SAP130: variants seen among roughly 807,000 people sequenced by gnomAD.
The protein encoded by SAP130 is Sin3A associated protein 130, also known as histone deacetylase complex subunit SAP130.
In SAP130, 16 loss-of-function variants were observed where a neutral mutation model predicts 103.2. The ratio of observed to expected loss-of-function variants is 0.16; its 90% CI spans 0.10 to 0.24. SAP130 has a LOEUF of 0.24. Among genes scored for constraint, SAP130 ranks in the 10% least tolerant of loss-of-function variants. SAP130 has a pLI of 1.00. For missense variants in SAP130, 990 were observed against 1,359.7 expected, an observed-to-expected ratio of 0.73 and a Z score of 4.28; for synonymous variants, 477 against 497.0, an observed-to-expected ratio of 0.96 and a Z score of 0.53.
intron 10 of SAP130, 110 bp downstream of exon 10, chr2:127,999,630 AG>A: frequency 5.7e-6 from 3 of 529,602 alleles, no homozygotes; most frequent in South Asian, 6.2e-5. Context: ...AAAAAAAAAA[AG>A]AGGAAATCAA....
intron 2 of SAP130, among the ~76,000 whole-genome samples, chr2:128,020,326 A>G (rs951981215): frequency 1.2e-4 from 18 of 152,308 alleles, no homozygotes; most frequent in Admixed American, 9.2e-4. Flanking sequence ...TCTAGCCACT[A>G]TCCTCCGAAG....
chr2:128,015,708 G>T (rs554949945), intron 4 of SAP130, among the ~76,000 whole-genome samples: 12 of 152,168 alleles, frequency 7.9e-5, no homozygotes, highest in African/African-American at 2.9e-4. Context: ...TTGGGAGGCC[G>T]AGGCGGGCAG....
chr2:127,979,844 G>A (rs1681735692), intron 14 of SAP130, among the ~76,000 whole-genome samples: 3 of 151,750 alleles, frequency 2.0e-5, no homozygotes. Flanking sequence ...CTAAAGTTGG[G>A]TGACAGGCAT....
intron 18 of SAP130, among the ~76,000 whole-genome samples, chr2:127,949,352 A>C (rs898301688): frequency 1.6e-4 from 24 of 152,238 alleles, no homozygotes; most frequent in African/African-American, 5.5e-4. Context: ...TGGGTTTATT[A>C]AAATGTTATT....
chr2:127,968,113 T>A (rs1454385939), intron 15 of SAP130, among the ~76,000 whole-genome samples: 2 of 151,880 alleles, frequency 1.3e-5, no homozygotes, highest in East Asian at 3.9e-4. Context: ...TAAAGCATTT[T>A]TTTTTTTTTT....
Position 128,017,769 on chromosome 2 carries a change from C to G in SAP130, c.259G>C (p.Val87Leu). ...ACTGCAACAGGTGTGGCTGATGCGA[C>G]AGCATGGTGTGTCGACAACATCTGC... Reference protein sequence around the residue: ...QVQMLSTHHAVASATPVAVTA... With the variant: ...QVQMLSTHHALASATPVAVTA... Residue 87 changes from valine (V) to leucine (L), a missense_variant, in exon 3 of 21, where the codon GTC becomes CTC. Physicochemically the swap from Val to Leu is conservative, Grantham distance 32. Transcript: ENST00000643581. 1 of 1,614,208 alleles carries G rather than the reference C, an allele frequency of 6.2e-7. No individual in the cohort carries two copies. Among genetic ancestry groups the G allele is most frequent in the Non-Finnish European group, 8.5e-7 (1 of 1,180,036 alleles).
chr2:128,000,058 G>A lies in SAP130; in HGVS notation c.1106C>T (p.Ala369Val). The A allele has an allele frequency of 6.2e-7, 1 of 1,613,896 alleles. No individual in the cohort carries two copies. ...GAAGAGGAGGGTCGTGGACTTACCAGCTGTGGTCGCTGAAGGAATGGTGTT... is the reference window on the plus strand; with the variant it reads ...GAAGAGGAGGGTCGTGGACTTACCAACTGTGGTCGCTGAAGGAATGGTGTT... ...ATNTIPSATTAGSVSHTQAPT... is the reference protein window; with the variant it reads ...ATNTIPSATTVGSVSHTQAPT... Residue 369 changes from alanine to valine, a missense_variant and splice_region_variant, in exon 9 of 21, where the codon GCT (alanine) becomes GTT (valine). Ala to Val is a moderately conservative substitution (Grantham distance 64). This residue lies in a region of SAP130 where 336 missense variants were observed against 520.1 expected (regional missense o/e 0.65). Coordinates refer to ENST00000643581, the MANE Select transcript of SAP130 (RefSeq NM_001330301.2).
intron 16 of SAP130, 46 bp downstream of exon 16, chr2:127,954,940 G>C (rs1303854104): frequency 5.0e-6 from 7 of 1,392,568 alleles, no homozygotes; most frequent in Non-Finnish European, 7.0e-6. Flanking sequence ...ATTAGGGAAG[G>C]GGAAGAGGCA....
intron 18 of SAP130, among the ~76,000 whole-genome samples, chr2:127,947,784 G>GTGTGTGTGTGTGTA (rs1679209247): frequency 2.0e-5 from 3 of 151,942 alleles, no homozygotes; most frequent in Non-Finnish European, 2.9e-5. Flanking sequence ...GTGTGTGTGT[G>GTGTGTGTGTGTGTA]TGTGTGTGTG....
chr2:127,957,421 T>C (rs867687559), intron 15 of SAP130, among the ~76,000 whole-genome samples: 3 of 152,206 alleles, frequency 2.0e-5, no homozygotes, highest in Non-Finnish European at 1.5e-5. Flanking sequence ...ACGCCTATAA[T>C]CCCAGTGCTT....
chr2:128,012,892 C>A lies in SAP130; in HGVS notation c.744+138G>T, dbSNP rs921307358. 3 of 763,348 alleles carry A rather than the reference C, an allele frequency of 3.9e-6. No individual in the cohort carries two copies. In the African/African-American group the frequency reaches 5.4e-5, roughly 14 times the overall value. The allele number at this position is 763,348 out of a possible 1,614,324, so 47.3% of individuals were successfully genotyped here. A position where few individuals can be genotyped will look rare whatever the true frequency, so the allele number is the denominator to read the frequency against. On this transcript the variant is annotated intron_variant, in intron 6 of 20. Transcript: ENST00000643581. ...TCCTCTGCATTCTTACAGCTTGCCA[C>A]ATGACACTGTGCATCTTTCAAACTT...
At chr2:128,001,527 T>C (rs561561333) in intron 7 of SAP130, among the ~76,000 whole-genome samples, 4 of 152,378 alleles carry the variant, frequency 2.6e-5, no homozygotes, top group Non-Finnish European at 5.9e-5. Flanking sequence ...GGTTAATTTG[T>C]GTCAGATGGA....
At chr2:128,009,148 C>T in intron 7 of SAP130, among the ~76,000 whole-genome samples, 1 of 152,092 alleles carries the variant, frequency 6.6e-6, no homozygotes, top group African/African-American at 2.4e-5. Flanking sequence ...CCCAGTGATT[C>T]CTCAGAAATC....
In SAP130 at chr2:127,957,394, G is replaced by T. The variant is rs184710388; in HGVS notation, c.2064-2050C>A. On this transcript the variant is annotated intron_variant, in intron 15 of 20. Coordinates refer to ENST00000643581, the MANE Select transcript of SAP130 (RefSeq NM_001330301.2). ...TTTGAATAGGCATAAGAAAGAACTGGCTAGGCGTGGTGACTCACGCCTATA... is the reference window on the plus strand; with the variant it reads ...TTTGAATAGGCATAAGAAAGAACTGTCTAGGCGTGGTGACTCACGCCTATA... Among the ~76,000 whole-genome samples, 89 of 152,332 alleles carry T rather than the reference G, an allele frequency of 5.8e-4. 1 individual carries two copies. The highest frequency in any genetic ancestry group is 5.0e-3 in the Admixed American group (77 of 15,300).
intron 11 of SAP130, among the ~76,000 whole-genome samples, chr2:127,995,263 G>A (rs560799115): frequency 1.3e-5 from 2 of 152,346 alleles, no homozygotes; most frequent in East Asian, 3.9e-4. Context: ...GGGCTCCTTG[G>A]AGAAACAGCA....
chr2:127,986,991 AT>A lies in SAP130; in HGVS notation c.1781-30del. 9 of 1,590,482 alleles carry A rather than the reference AT, an allele frequency of 5.7e-6. No homozygotes were observed. The highest frequency in any genetic ancestry group is 7.7e-6 in the Non-Finnish European group (9 of 1,162,246). On this transcript the variant is annotated intron_variant, in intron 13 of 20. Coordinates refer to ENST00000643581, the MANE Select transcript of SAP130 (RefSeq NM_001330301.2). The surrounding 1 kb of genome is among the most constrained non-coding windows in gnomAD (Gnocchi z 4.7). Reference sequence around the variant, plus strand: ...CAGGAGAGAGGCAACAGGAAAGAACATTGAAGAGAGGGAAACAAAATGCCAT... The same window carrying A: ...CAGGAGAGAGGCAACAGGAAAGAACATGAAGAGAGGGAAACAAAATGCCAT...
At position 128,026,167 on chromosome 2, in the gene SAP130, AT is replaced by A. The variant is rs1425541169; in HGVS notation, c.112+13del. On this transcript the variant is annotated intron_variant, in intron 2 of 20. Coordinates refer to ENST00000643581, the MANE Select transcript of SAP130 (RefSeq NM_001330301.2). ...AAAGTAGGAAAAAATATATTAGAAT[AT>A]TACATATCTCACCTGTAGCAGCTGG... 1 of 1,534,270 alleles carries A rather than the reference AT, an allele frequency of 6.5e-7. No homozygotes were observed. The highest frequency in any genetic ancestry group is 9.0e-7 in the Non-Finnish European group (1 of 1,111,624).
chr2:128,003,470 G>T (rs1327463423), intron 7 of SAP130, among the ~76,000 whole-genome samples: 4 of 148,164 alleles, frequency 2.7e-5, no homozygotes, highest in African/African-American at 9.9e-5. Context: ...CTGCGCCACT[G>T]CAACCTTGAC....
At chr2:127,958,397 G>A (rs755174476) in intron 15 of SAP130, among the ~76,000 whole-genome samples, 1 of 152,230 alleles carries the variant, frequency 6.6e-6, no homozygotes, top group Non-Finnish European at 1.5e-5. Context: ...CTGGGTGACA[G>A]GGCGAGACTC....
Sources: gnomAD v4.1 joint callset for allele counts (sites outside exome capture counted in the v4.1 genomes callset) on GRCh38, gnomAD v4.1.1 for gene constraint, gnomAD v4.1.1 regional missense constraint, Gnocchi (gnomAD v3.1) non-coding constraint, MANE v1.5 for transcripts, NCBI Gene and HGNC (gene_info 2026-07-23, HGNC 2026-07-21) for gene names.